The following ABHD3 variants were observed in gnomAD, a reference collection of about 807,000 sequenced individuals.
ABHD3 encodes abhydrolase domain containing 3, phospholipase, also known as phospholipase ABHD3.
A neutral mutation model predicts 48.8 loss-of-function variants in ABHD3; 46 were observed. That is an observed-to-expected ratio of 0.94 (90% CI 0.74 to 1.20). The LOEUF is 1.20. Among genes scored for constraint, ABHD3 ranks in the 50% most tolerant of loss-of-function variants. The probability of loss-of-function intolerance (pLI) is 0.00; values close to 1 mark genes in which losing one functional copy is unlikely to be tolerated. For missense variants in ABHD3, 490 were observed against 497.8 expected (o/e 0.98, Z 0.15); for synonymous variants, 192 against 183.7 (o/e 1.04, Z -0.36).
chr18:21,702,497 C>A lies in ABHD3; in HGVS notation c.328G>T (p.Glu110Ter). The change falls in exon 3 of 9, where the codon GAA becomes TAA. Residue 110 changes from glutamate to a stop codon, truncating the protein, a stop_gained and splice_region_variant. Transcript: ENST00000289119. LOFTEE classifies it high-confidence loss of function. The part of the protein sequence containing the change: ...TSKPPVQYRN[E>*]LIKTADGGQI... ...CCTCCATCTGCAGTTTTAATAAGTT[C>A]ACTGAAAGGAATAATTCAGAAGACA... 1 of 1,587,752 alleles carries A rather than the reference C, an allele frequency of 6.3e-7. No individual in the cohort carries two copies. Among genetic ancestry groups the A allele is most frequent in the Non-Finnish European group, 8.6e-7 (1 of 1,164,354 alleles).
At chr18:21,697,919 ATCTCGTATCT>A (rs751913408) in intron 3 of ABHD3, among the ~76,000 whole-genome samples, 2 of 152,140 alleles carry the variant, frequency 1.3e-5, no homozygotes, top group Non-Finnish European at 2.9e-5. Context: ...TCTAAATCAT[ATCTCGTATCT>A]CACCAGTAAA....
At chr18:21,683,823 A>C in intron 4 of ABHD3, 97 bp downstream of exon 4, 1 of 1,245,922 alleles carries the variant, frequency 8.0e-7, no homozygotes, top group South Asian at 1.7e-5. Context: ...TGCTTACATA[A>C]ACAGAGTTAT....
At chr18:21,702,289 G>GA (rs746328709) in intron 3 of ABHD3, 27 bp downstream of exon 3, 117 of 1,523,906 alleles carry the variant, frequency 7.7e-5, no homozygotes, top group South Asian at 1.6e-4. Context: ...TGGATCAAGT[G>GA]AAAAAAAAGA....
intron 4 of ABHD3, among the ~76,000 whole-genome samples, chr18:21,671,517 G>C (rs2039757037): frequency 6.6e-6 from 1 of 152,058 alleles, no homozygotes; most frequent in Non-Finnish European, 1.5e-5. Context: ...TGTTACTCGG[G>C]CTAGTAATGC....
intron 3 of ABHD3, among the ~76,000 whole-genome samples, chr18:21,700,952 C>CAAAAA (rs34993965): frequency 1.3e-4 from 11 of 81,646 alleles, no homozygotes; most frequent in African/African-American, 4.0e-4. Context: ...GATTTGGCCT[C>CAAAAA]AAAAAAAAAA....
intron 3 of ABHD3, among the ~76,000 whole-genome samples, chr18:21,697,899 C>T (rs2040417082): frequency 6.6e-6 from 1 of 152,066 alleles, no homozygotes; most frequent in Admixed American, 6.6e-5. Flanking sequence ...GAGTTAGGTT[C>T]TCTCTAATGT....
intron 3 of ABHD3, among the ~76,000 whole-genome samples, chr18:21,692,652 A>C (rs1166442066): frequency 1.3e-5 from 2 of 152,252 alleles, no homozygotes; most frequent in African/African-American, 2.4e-5. Context: ...GAAACGAATG[A>C]TACAACCAGC....
At chr18:21,652,032 AGTATACATCAAGTCTT>A (rs1395173691) in intron 8 of ABHD3, among the ~76,000 whole-genome samples, 1 of 152,208 alleles carries the variant, frequency 6.6e-6, no homozygotes, top group Non-Finnish European at 1.5e-5. Context: ...ATAACACAAA[AGTATACATCAAGTCTT>A]ACTTTGAGAA....
At position 21,700,827 on chromosome 18, in the gene ABHD3, C is replaced by CAAAAAAAAAAAAAAAAAAAAA. The variant is rs375239917; in HGVS notation, c.509+1468_509+1488dup. Reference sequence around the variant, plus strand: ...TTTCTGAGCATGACTAAGTTTTAGCCAAAAAAAAAAAAAAAAAAAAAATGG... The same window carrying CAAAAAAAAAAAAAAAAAAAAA: ...TTTCTGAGCATGACTAAGTTTTAGCCAAAAAAAAAAAAAAAAAAAAAAAAAAAAAAAAAAAAAAAAAAATGG... On this transcript the variant is annotated intron_variant, in intron 3 of 8. Transcript: ENST00000289119. Among the ~76,000 whole-genome samples the CAAAAAAAAAAAAAAAAAAAAA allele has an allele frequency of 1.7e-4, 16 of 94,378 alleles. 2 individuals are homozygous for CAAAAAAAAAAAAAAAAAAAAA. The highest frequency in any genetic ancestry group is 5.2e-4 in the African/African-American group (15 of 28,670). 61.9% of individuals were successfully genotyped at this position (94,378 alleles called of 152,430 possible).
chr18:21,666,014 A>C (rs547527270), intron 4 of ABHD3, among the ~76,000 whole-genome samples: 46 of 151,704 alleles, frequency 3.0e-4, no homozygotes, highest in African/African-American at 4.4e-4. Context: ...ATTTTCTTTT[A>C]TTTTTAAATT....
At chr18:21,692,806 T>C (rs931165893) in intron 3 of ABHD3, among the ~76,000 whole-genome samples, 1 of 152,216 alleles carries the variant, frequency 6.6e-6, no homozygotes, top group Non-Finnish European at 1.5e-5. Context: ...CTGTGTCTCT[T>C]TGGTATTTTT....
At chr18:21,699,995 A>G (rs1406448090) in intron 3 of ABHD3, among the ~76,000 whole-genome samples, 1 of 152,068 alleles carries the variant, frequency 6.6e-6, no homozygotes, top group East Asian at 1.9e-4. Flanking sequence ...GGCAACCTTT[A>G]TAAGCAATGG....
At chr18:21,695,936 T>G (rs1486068102) in intron 3 of ABHD3, among the ~76,000 whole-genome samples, 5 of 152,174 alleles carry the variant, frequency 3.3e-5, no homozygotes, top group African/African-American at 1.2e-4. Flanking sequence ...CTGACCTAGA[T>G]TTCAATGAAC....
chr18:21,685,043 G>C (rs943754120), intron 3 of ABHD3, among the ~76,000 whole-genome samples: 1 of 152,210 alleles, frequency 6.6e-6, no homozygotes, highest in African/African-American at 2.4e-5. Flanking sequence ...TTTAAAATAT[G>C]TAACTCTCAT....
At chr18:21,697,924 G>A (rs536754792) in intron 3 of ABHD3, among the ~76,000 whole-genome samples, 28 of 152,060 alleles carry the variant, frequency 1.8e-4, no homozygotes, top group African/African-American at 5.5e-4. Context: ...ATCATATCTC[G>A]TATCTCACCA....
intron 3 of ABHD3, among the ~76,000 whole-genome samples, chr18:21,696,041 A>T (rs1457708673): frequency 2.0e-5 from 3 of 151,930 alleles, no homozygotes; most frequent in East Asian, 3.8e-4. Context: ...TATTTTTTTA[A>T]ATTTTAAATT....
intron 2 of ABHD3, 98 bp downstream of exon 2, chr18:21,703,486 T>C: frequency 6.9e-7 from 1 of 1,441,616 alleles, no homozygotes; most frequent in Non-Finnish European, 9.5e-7. Context: ...ATATACTTCC[T>C]AAAGCAGATT....
At chr18:21,697,541 G>A (rs575306241) in intron 3 of ABHD3, among the ~76,000 whole-genome samples, 6 of 152,116 alleles carry the variant, frequency 3.9e-5, no homozygotes, top group Non-Finnish European at 8.8e-5. Context: ...CATGATGCCC[G>A]GCTAATTGTT....
Position 21,703,491 on chromosome 18 carries a change from C to T in ABHD3, c.326+93G>A, listed in dbSNP as rs1805924378. ...TTTCTGTTCTATATACTTCCTAAAG[C>T]AGATTCTATTAACCAAGAACTGGGA... On this transcript the variant is annotated intron_variant, in intron 2 of 8. Transcript: ENST00000289119. 68 of 1,458,014 alleles carry T rather than the reference C, an allele frequency of 4.7e-5. 1 individual carries two copies. The South Asian group carries it at 8.3e-4, about 18-fold the overall frequency. 90.3% of individuals were successfully genotyped at this position (1,458,014 alleles called of 1,614,324 possible). A position where few individuals can be genotyped will look rare whatever the true frequency, so the allele number is the denominator to read the frequency against.
Sources: gnomAD v4.1 joint callset for allele counts (sites outside exome capture counted in the v4.1 genomes callset) on GRCh38, gnomAD v4.1.1 for gene constraint, MANE v1.5 for transcripts, NCBI Gene and HGNC (gene_info 2026-07-23, HGNC 2026-07-21) for gene names.